RBFOX1: variants seen among roughly 807,000 people sequenced by gnomAD.
The protein encoded by RBFOX1 is RNA binding fox-1 homolog 1, also known as RNA binding protein fox-1 homolog 1.
RBFOX1 carries 8 observed loss-of-function variants against 57.7 expected under a neutral mutation model. The observed-to-expected ratio is 0.14, with a 90% CI of 0.08 to 0.25. The LOEUF (loss-of-function observed/expected upper bound fraction) is 0.25. RBFOX1 is among the 10% of genes least tolerant of loss of function. The pLI is 1.00. For synonymous variants in RBFOX1, 326 were observed against 222.4 expected (o/e 1.47, Z -4.15); for missense variants, 611 against 548.5 (o/e 1.11, Z -1.14).
intron 1 of RBFOX1, among the ~76,000 whole-genome samples, chr16:6,131,653 C>T (rs2096630541): frequency 6.6e-6 from 1 of 152,176 alleles, no homozygotes; most frequent in Non-Finnish European, 1.5e-5. Flanking sequence ...ATAGTAGCTA[C>T]TCTCTTTGGT....
intron 3 of RBFOX1, among the ~76,000 whole-genome samples, chr16:6,978,697 A>T (rs561467105): frequency 1.3e-5 from 2 of 152,324 alleles, no homozygotes; most frequent in Middle Eastern, 3.4e-3. Context: ...GGTTTTGCCA[A>T]TGTAATCAGG....
intron 2 of RBFOX1, chr16:6,483,192 C>T: frequency 8.5e-7 from 1 of 1,169,932 alleles, no homozygotes; most frequent in Non-Finnish European, 1.1e-6. Flanking sequence ...TTGGCGCGGA[C>T]AGAGGCCGAG....
At chr16:7,353,274 C>T (rs547737828) in intron 4 of RBFOX1, among the ~76,000 whole-genome samples, 1 of 151,980 alleles carries the variant, frequency 6.6e-6, no homozygotes, top group Admixed American at 6.6e-5. Flanking sequence ...CATTGATGAC[C>T]CTAGCTAGAA....
chr16:6,818,267 G>C (rs949282489), intron 3 of RBFOX1, among the ~76,000 whole-genome samples: 2 of 152,150 alleles, frequency 1.3e-5, no homozygotes, highest in East Asian at 2.0e-4. Context: ...GTAGGTGCTT[G>C]TGTAGCTGGA....
At chr16:6,166,813 G>T (rs1203296738) in intron 1 of RBFOX1, among the ~76,000 whole-genome samples, 1 of 152,050 alleles carries the variant, frequency 6.6e-6, no homozygotes, top group Admixed American at 6.6e-5. Context: ...TCACTCTGTT[G>T]CCCAGGATGG....
At chr16:5,834,407 C>G (rs906255203) in intron 3 of RBFOX1, among the ~76,000 whole-genome samples, 1 of 152,144 alleles carries the variant, frequency 6.6e-6, no homozygotes, top group African/African-American at 2.4e-5. Context: ...CTAGTTCCAT[C>G]CAAGTTGATG....
At chr16:5,343,792 A>C (rs990893717) in intron 1 of RBFOX1, among the ~76,000 whole-genome samples, 1 of 152,216 alleles carries the variant, frequency 6.6e-6, no homozygotes, top group Non-Finnish European at 1.5e-5. Flanking sequence ...GAATAAGGCA[A>C]AAGGGTTATT....
chr16:7,345,285 T>C lies in RBFOX1; in HGVS notation c.28-172862T>C, dbSNP rs996239788. On this transcript the variant is annotated intron_variant, in intron 4 of 15. Transcript: ENST00000550418. ...TTATTTCTCCCTCTACAGCTCTGCATTTGTTTTGGCGAGCAGTGTAAACAC... is the reference window on the plus strand; with the variant it reads ...TTATTTCTCCCTCTACAGCTCTGCACTTGTTTTGGCGAGCAGTGTAAACAC... Among the ~76,000 whole-genome samples the C allele has an allele frequency of 4.6e-5, 7 of 152,100 alleles. 1 individual carries two copies. The highest frequency in any genetic ancestry group is 1.4e-4 in the African/African-American group (6 of 41,444).
intron 3 of RBFOX1, among the ~76,000 whole-genome samples, chr16:6,800,588 C>T (rs907714313): frequency 1.3e-5 from 2 of 151,986 alleles, no homozygotes; most frequent in East Asian, 1.9e-4. Context: ...ATCACCTGGC[C>T]GGATGGTTAA....
intron 9 of RBFOX1, among the ~76,000 whole-genome samples, chr16:7,600,465 C>A (rs1386626446): frequency 6.6e-6 from 1 of 152,122 alleles, no homozygotes; most frequent in Admixed American, 6.5e-5. Flanking sequence ...AGGGCCCTTT[C>A]ATATCCTTAA....
intron 4 of RBFOX1, among the ~76,000 whole-genome samples, chr16:7,470,249 C>T (rs1158442275): frequency 6.6e-6 from 1 of 152,176 alleles, no homozygotes; most frequent in African/African-American, 2.4e-5. Context: ...TCTGTGTCTG[C>T]CTCTCACACT....
intron 2 of RBFOX1, among the ~76,000 whole-genome samples, chr16:6,507,540 C>A (rs1318623426): frequency 7.0e-6 from 1 of 143,438 alleles, no homozygotes; most frequent in Non-Finnish European, 1.5e-5. Flanking sequence ...GGCATAGTGG[C>A]ACACACTTGT....
chr16:7,700,807 G>GTTTCAGAATAGGAAGAGGT (rs572111353), intron 14 of RBFOX1, among the ~76,000 whole-genome samples: 21 of 152,242 alleles, frequency 1.4e-4, no homozygotes, highest in African/African-American at 4.1e-4. Flanking sequence ...CTGCTGTTGG[G>GTTTCAGAATAGGAAGAGGT]TTTCAGAATA....
chr16:5,672,490 A>G (rs2050041844), intron 3 of RBFOX1, among the ~76,000 whole-genome samples: 1 of 152,112 alleles, frequency 6.6e-6, no homozygotes, highest in African/African-American at 2.4e-5. Context: ...TCATTCTTTA[A>G]GGACAAGCAC....
chr16:6,020,784 C>T (rs578015174), intron 1 of RBFOX1, among the ~76,000 whole-genome samples: 5 of 152,316 alleles, frequency 3.3e-5, no homozygotes, highest in South Asian at 2.1e-4. Context: ...CCCATCTCCC[C>T]ACCGCCCAGG....
At chr16:7,565,535 C>T (rs1460521327) in intron 5 of RBFOX1, among the ~76,000 whole-genome samples, 2 of 152,126 alleles carry the variant, frequency 1.3e-5, no homozygotes, top group African/African-American at 4.8e-5. Context: ...TAAATTCACT[C>T]GGCGCCCAGC....
At position 6,216,870 on chromosome 16, in the gene RBFOX1, CT is replaced by C. The variant is rs529855553; in HGVS notation, c.-126-100114del. Among the ~76,000 whole-genome samples the C allele has an allele frequency of 9.4e-3, 1,403 of 148,858 alleles. 18 individuals carry two copies. Among genetic ancestry groups the C allele is most frequent in the African/African-American group, 0.026 (1,076 of 40,770 alleles). The stretch of plus-strand genomic sequence containing the variant: ...CTTTTTGAAAACTTTCCCTATTTCA[CT>C]TTTTTTTTTTCCGCTCTCCCTTGGA... On this transcript the variant is annotated intron_variant, in intron 1 of 15. Coordinates refer to ENST00000550418, the MANE Select transcript of RBFOX1 (RefSeq NM_018723.4).
At chr16:6,976,871 T>C (rs2087044668) in intron 3 of RBFOX1, among the ~76,000 whole-genome samples, 1 of 6,582 alleles carries the variant, frequency 1.5e-4, no homozygotes, top group Admixed American at 2.6e-3. Flanking sequence ...ATATCACATA[T>C]GTCATATCCA....
Position 7,043,337 on chromosome 16 carries a change from T to A in RBFOX1, c.-15-8720T>A, listed in dbSNP as rs1289801508. 6.6e-5 allele frequency among the ~76,000 whole-genome samples: 10 copies of A among 152,308 alleles called. No individual in the cohort carries two copies. The East Asian group carries it at 1.2e-3, about 18-fold the overall frequency. On this transcript the variant is annotated intron_variant, in intron 3 of 15. Coordinates refer to ENST00000550418, the MANE Select transcript of RBFOX1 (RefSeq NM_018723.4). Reference sequence around the variant, plus strand: ...TTCATCACTCCTCCCCTGTCTTTTTTAAATAAAATGTACAATGTGTCATTT... The same window carrying A: ...TTCATCACTCCTCCCCTGTCTTTTTAAAATAAAATGTACAATGTGTCATTT...
Sources: gnomAD v4.1 joint callset for allele counts (sites outside exome capture counted in the v4.1 genomes callset) on GRCh38, gnomAD v4.1.1 for gene constraint, MANE v1.5 for transcripts, NCBI Gene and HGNC (gene_info 2026-07-23, HGNC 2026-07-21) for gene names.